Variants in ANK3 observed in about 807,000 individuals in gnomAD.
ANK3 encodes ankyrin-3.
ANK3 carries 57 observed loss-of-function variants against 370.9 expected under a neutral mutation model. The observed-to-expected ratio is 0.15, with a 90% CI of 0.12 to 0.19. The LOEUF (loss-of-function observed/expected upper bound fraction) is 0.19. ANK3 is among the 10% of genes least tolerant of loss of function. The probability of loss-of-function intolerance (pLI) is 1.00; values close to 1 mark genes in which losing one functional copy is unlikely to be tolerated. For missense variants in ANK3, 4,439 were observed against 5,302.1 expected (o/e 0.84, Z 5.06); for synonymous variants, 1,929 against 1,946.3 (o/e 0.99, Z 0.23).
intron 1 of ANK3, among the ~76,000 whole-genome samples, chr10:60,308,188 T>C (rs1355319747): frequency 3.9e-5 from 6 of 152,076 alleles, no homozygotes; most frequent in African/African-American, 7.2e-5. Flanking sequence ...CATTAGAACA[T>C]ATTCTACTTT....
chr10:60,210,633 A>G (rs2096838347), intron 9 of ANK3, among the ~76,000 whole-genome samples: 1 of 152,126 alleles, frequency 6.6e-6, no homozygotes, highest in South Asian at 2.1e-4. Flanking sequence ...CTCTCCCAAA[A>G]CTCCACCAAA....
chr10:60,136,481 CATG>C (rs2094349931), intron 24 of ANK3, among the ~76,000 whole-genome samples: 1 of 62,538 alleles, frequency 1.6e-5, no homozygotes, highest in Admixed American at 2.2e-4. Context: ...GTCCCCATGG[CATG>C]ATATGTTAAC....
chr10:60,438,710 A>G (rs1382079509), intron 2 of ANK3, among the ~76,000 whole-genome samples: 1 of 152,248 alleles, frequency 6.6e-6, no homozygotes, highest in Non-Finnish European at 1.5e-5. Flanking sequence ...AGCAGTAATG[A>G]CATAAGGAAG....
At chr10:60,726,651 T>C (rs1037397400) in intron 1 of ANK3, among the ~76,000 whole-genome samples, 2 of 152,158 alleles carry the variant, frequency 1.3e-5, no homozygotes, top group African/African-American at 2.4e-5. Context: ...TTTTTGTTTT[T>C]TTCTTCTTTG....
chr10:60,476,184 CT>C (rs772444270), intron 2 of ANK3, among the ~76,000 whole-genome samples: 1 of 152,056 alleles, frequency 6.6e-6, no homozygotes, highest in Non-Finnish European at 1.5e-5. Flanking sequence ...TTTAAGAAGA[CT>C]TTAATGGAGG....
chr10:60,165,019 G>A (rs972676413), intron 23 of ANK3, among the ~76,000 whole-genome samples: 6 of 152,108 alleles, frequency 3.9e-5, no homozygotes, highest in African/African-American at 7.2e-5. Flanking sequence ...TTCAAATTTC[G>A]AGATTCAAAA....
At chr10:60,583,160 G>A (rs556487088) in intron 2 of ANK3, among the ~76,000 whole-genome samples, 1 of 152,050 alleles carries the variant, frequency 6.6e-6, no homozygotes, top group South Asian at 2.1e-4. Context: ...ATGCACAATG[G>A]AATACTATTC....
At chr10:60,134,526 T>C (rs1348507843) in intron 24 of ANK3, among the ~76,000 whole-genome samples, 153 bp from the exon 25 acceptor site, 1 of 152,226 alleles carries the variant, frequency 6.6e-6, no homozygotes, top group Non-Finnish European at 1.5e-5. Flanking sequence ...TAAAATCCCT[T>C]GTATTTGAGA....
intron 1 of ANK3, among the ~76,000 whole-genome samples, chr10:60,352,381 G>C (rs1316233381): frequency 6.6e-6 from 1 of 152,152 alleles, no homozygotes; most frequent in African/African-American, 2.4e-5. Context: ...TTTGCCTTTG[G>C]ACTTCATTCA....
At chr10:60,707,536 T>G (rs976834968) in intron 1 of ANK3, among the ~76,000 whole-genome samples, 2 of 151,916 alleles carry the variant, frequency 1.3e-5, no homozygotes, top group African/African-American at 4.8e-5. Context: ...CAGTGTAGAA[T>G]TTTTCCTGAA....
chr10:60,243,563 T>C (rs1019716040), intron 7 of ANK3, among the ~76,000 whole-genome samples: 5 of 152,218 alleles, frequency 3.3e-5, no homozygotes, highest in African/African-American at 1.2e-4. Flanking sequence ...ATTACAAGTC[T>C]GTGGTATTCT....
intron 2 of ANK3, among the ~76,000 whole-genome samples, chr10:60,527,102 T>C (rs2076491932): frequency 6.6e-6 from 1 of 152,084 alleles, no homozygotes; most frequent in African/African-American, 2.4e-5. Flanking sequence ...GCAGTTAAAT[T>C]AAAAAAGAAA....
chr10:60,579,026 G>T (rs1003151138), intron 2 of ANK3, among the ~76,000 whole-genome samples: 2 of 152,064 alleles, frequency 1.3e-5, no homozygotes, highest in African/African-American at 2.4e-5. Context: ...AAAAAAAAAT[G>T]AGCTTAAAAG....
At chr10:60,189,345 A>T (rs956717180) in intron 16 of ANK3, among the ~76,000 whole-genome samples, 1 of 152,184 alleles carries the variant, frequency 6.6e-6, no homozygotes, top group Non-Finnish European at 1.5e-5. Context: ...TGAGAGAGAC[A>T]GAGAGACAGA....
At chr10:60,268,537 A>G (rs2097914862) in intron 5 of ANK3, among the ~76,000 whole-genome samples, 1 of 152,094 alleles carries the variant, frequency 6.6e-6, no homozygotes, top group African/African-American at 2.4e-5. Context: ...ATTGGTGTAA[A>G]TTTAGATTCT....
At chr10:60,534,899 G>T (rs1255437651) in intron 2 of ANK3, among the ~76,000 whole-genome samples, 1 of 152,112 alleles carries the variant, frequency 6.6e-6, no homozygotes, top group East Asian at 1.9e-4. Context: ...TTTTCAGCAA[G>T]AAACAAACTC....
At chr10:60,340,411 TTTTC>T (rs1225966811) in intron 1 of ANK3, among the ~76,000 whole-genome samples, 1 of 152,094 alleles carries the variant, frequency 6.6e-6, no homozygotes, top group South Asian at 2.1e-4. Context: ...ATTTTTGTTT[TTTTC>T]TTTCTTTCTT....
intron 2 of ANK3, among the ~76,000 whole-genome samples, chr10:60,461,958 C>A (rs774107106): frequency 1.1e-4 from 16 of 152,080 alleles, no homozygotes; most frequent in Non-Finnish European, 1.8e-4. Context: ...AGGTAGTCAG[C>A]GGGTGGGGGA....
Position 60,042,979 on chromosome 10 carries a change from AC to A in ANK3, c.13066-221del, listed in dbSNP as rs2076375984. 3 of 1,314,810 alleles carry A rather than the reference AC, an allele frequency of 2.3e-6. No individual in the cohort carries two copies. In the South Asian group the frequency reaches 6.6e-5, roughly 29 times the overall value. 81.4% of individuals were successfully genotyped at this position (1,314,810 alleles called of 1,614,324 possible). A position where few individuals can be genotyped will look rare whatever the true frequency, so the allele number is the denominator to read the frequency against. ...GTCAAAATGAATACAACATAATTGT[AC>A]TTGACAATAATTCAGTAAGTTAGTG... On this transcript the variant is annotated intron_variant, in intron 42 of 43. Transcript: ENST00000280772.
Sources: gnomAD v4.1 joint callset for allele counts (sites outside exome capture counted in the v4.1 genomes callset) on GRCh38, gnomAD v4.1.1 for gene constraint, MANE v1.5 for transcripts, NCBI Gene and HGNC (gene_info 2026-07-23, HGNC 2026-07-21) for gene names.